The following RERE variants were observed in gnomAD, a reference collection of about 807,000 sequenced individuals.
The protein encoded by RERE is arginine-glutamic acid dipeptide repeats protein.
A neutral mutation model predicts 146.1 loss-of-function variants in RERE; 40 were observed. That is an observed-to-expected ratio of 0.27 (90% CI 0.21 to 0.36). RERE has a LOEUF of 0.36. Ranked by LOEUF, RERE falls within the 10% of genes least tolerant of loss-of-function variation. The pLI is 1.00. For synonymous variants in RERE, 1,003 were observed against 866.0 expected (o/e 1.16, Z -2.78); for missense variants, 1,933 against 2,138.7 (o/e 0.90, Z 1.90).
intron 11 of RERE, among the ~76,000 whole-genome samples, chr1:8,453,760 C>T (rs1644416720): frequency 6.6e-6 from 1 of 152,076 alleles, no homozygotes; most frequent in Non-Finnish European, 1.5e-5. Context: ...GAGCTGAGAT[C>T]ACACCATTGC....
At chr1:8,630,925 C>T (rs1176568710) in intron 2 of RERE, among the ~76,000 whole-genome samples, 1 of 152,158 alleles carries the variant, frequency 6.6e-6, no homozygotes, top group African/African-American at 2.4e-5. Context: ...TCTTTGTTCC[C>T]CTCTTTTTTA....
At chr1:8,562,917 G>A (rs1385166364) in intron 4 of RERE, among the ~76,000 whole-genome samples, 1 of 152,150 alleles carries the variant, frequency 6.6e-6, no homozygotes, top group Non-Finnish European at 1.5e-5. Flanking sequence ...GAGCAGAATA[G>A]CAAAGATTTC....
chr1:8,715,284 G>A (rs1245446906), intron 1 of RERE, among the ~76,000 whole-genome samples: 1 of 151,710 alleles, frequency 6.6e-6, no homozygotes, highest in East Asian at 2.0e-4. Flanking sequence ...GGCCGAGGCG[G>A]GCAGATCACC....
At chr1:8,602,085 C>G (rs146001477) in intron 4 of RERE, among the ~76,000 whole-genome samples, 1 of 152,020 alleles carries the variant, frequency 6.6e-6, no homozygotes, top group African/African-American at 2.4e-5. Flanking sequence ...TACATAATGG[C>G]CAAACATAAA....
chr1:8,475,726 A>G (rs1488794415), intron 10 of RERE, among the ~76,000 whole-genome samples: 2 of 152,152 alleles, frequency 1.3e-5, no homozygotes, highest in African/African-American at 4.8e-5. Context: ...TTATAACCAT[A>G]ATTCACAAAT....
intron 1 of RERE, among the ~76,000 whole-genome samples, chr1:8,679,572 G>A (rs1638918043): frequency 6.6e-6 from 1 of 152,118 alleles, no homozygotes. Context: ...TGGCAGACAG[G>A]CTATATGTAA....
chr1:8,362,939 C>T, intron 15 of RERE, 95 bp from the exon 16 acceptor site: 2 of 1,369,228 alleles, frequency 1.5e-6, no homozygotes, highest in Middle Eastern at 2.7e-4. Context: ...TGAAGGCACA[C>T]CCTATCAGCC....
At chr1:8,650,501 G>A (rs534072751) in intron 2 of RERE, among the ~76,000 whole-genome samples, 2 of 152,282 alleles carry the variant, frequency 1.3e-5, no homozygotes, top group Non-Finnish European at 1.5e-5. Context: ...GGTGGTTCAC[G>A]TCTGTAATCC....
chr1:8,465,384 C>T (rs1211154536), intron 11 of RERE: 1 of 244,872 alleles, frequency 4.1e-6, no homozygotes, highest in East Asian at 1.0e-4. Flanking sequence ...GTCTTACAAG[C>T]CCTATAAAAA....
chr1:8,757,907 TACATACACACAC>T (rs1326433400), intron 1 of RERE, among the ~76,000 whole-genome samples: 1 of 37,024 alleles, frequency 2.7e-5, no homozygotes, highest in Non-Finnish European at 6.5e-5. Context: ...CACACACACA[TACATACACACAC>T]ACACACACAC....
At position 8,402,799 on chromosome 1, in the gene RERE, T is replaced by C. The variant is rs546244820; in HGVS notation, c.1284+19928A>G. ...CCTTCTTTTCCTAGCCTCTGAGAAA[T>C]AGCTTAAAGATTTGTTAATTAAATA... is the stretch of plus-strand genomic sequence containing the variant. On this transcript the variant is annotated intron_variant, in intron 12 of 22. Coordinates refer to ENST00000400908, the MANE Select transcript of RERE (RefSeq NM_001042681.2). 3.9e-5 allele frequency among the ~76,000 whole-genome samples: 6 copies of C among 152,312 alleles called. No homozygotes were observed. In the East Asian group the frequency reaches 9.6e-4, roughly 24 times the overall value.
At chr1:8,648,252 G>A (rs950425869) in intron 2 of RERE, among the ~76,000 whole-genome samples, 1 of 152,068 alleles carries the variant, frequency 6.6e-6, no homozygotes, top group Admixed American at 6.5e-5. Context: ...CTGTTTTTGC[G>A]ATGGGGTCTC....
chr1:8,387,756 T>C (rs1178812672), intron 12 of RERE, among the ~76,000 whole-genome samples: 1 of 152,240 alleles, frequency 6.6e-6, no homozygotes, highest in Non-Finnish European at 1.5e-5. Flanking sequence ...AAGTTTATAA[T>C]GTTGGTAAGC....
At chr1:8,461,856 T>A (rs75994246) in intron 11 of RERE, among the ~76,000 whole-genome samples, 1,661 of 152,206 alleles carry the variant, frequency 0.011, 86 homozygotes, top group Admixed American at 0.084. Context: ...TATTATTATT[T>A]TTTTTGGAGA....
intron 1 of RERE, among the ~76,000 whole-genome samples, chr1:8,711,850 A>T (rs1639673750): frequency 6.6e-6 from 1 of 152,240 alleles, no homozygotes; most frequent in Non-Finnish European, 1.5e-5. Context: ...TAATGTACAC[A>T]AATTCAAAAT....
At chr1:8,645,382 TCTGC>T (rs1198685044) in intron 2 of RERE, among the ~76,000 whole-genome samples, 6 of 152,334 alleles carry the variant, frequency 3.9e-5, no homozygotes, top group African/African-American at 9.6e-5. Context: ...TAATTTTTGA[TCTGC>T]CTAATTTGTA....
intron 10 of RERE, among the ~76,000 whole-genome samples, chr1:8,485,026 A>G (rs956000914): frequency 3.3e-5 from 5 of 152,164 alleles, no homozygotes; most frequent in Non-Finnish European, 7.4e-5. Flanking sequence ...AAAATAAGAT[A>G]TTTATTAACT....
intron 1 of RERE, among the ~76,000 whole-genome samples, chr1:8,752,236 G>A (rs1640552359): frequency 6.6e-6 from 1 of 151,910 alleles, no homozygotes; most frequent in Non-Finnish European, 1.5e-5. Flanking sequence ...CCCAGAAGGC[G>A]ATCATACGAT....
intron 4 of RERE, among the ~76,000 whole-genome samples, chr1:8,599,927 T>C (rs1228836965): frequency 6.6e-6 from 1 of 152,216 alleles, no homozygotes; most frequent in Non-Finnish European, 1.5e-5. Context: ...GTCTGCCTAC[T>C]TAAACCACAG....
Sources: gnomAD v4.1 joint callset for allele counts (sites outside exome capture counted in the v4.1 genomes callset) on GRCh38, gnomAD v4.1.1 for gene constraint, MANE v1.5 for transcripts, NCBI Gene and HGNC (gene_info 2026-07-23, HGNC 2026-07-21) for gene names.